ANKRD11: variants seen among roughly 807,000 people sequenced by gnomAD.
ANKRD11 encodes the protein ankyrin repeat domain 11, also known as ankyrin repeat domain-containing protein 11.
Under a neutral mutation model 195.7 loss-of-function variants are expected in ANKRD11, and 17 were observed. That is an observed-to-expected ratio of 0.09 (90% confidence interval 0.06 to 0.13). ANKRD11 has a LOEUF of 0.13. Among genes scored for constraint, ANKRD11 ranks in the 10% least tolerant of loss-of-function variants. The pLI, the probability that ANKRD11 is intolerant of heterozygous loss-of-function variation, is 1.00. For missense variants in ANKRD11, 3,735 were observed against 3,566.1 expected (o/e 1.05, Z -1.21); for synonymous variants, 1,953 against 1,528.1 (o/e 1.28, Z -6.49).
At chr16:89,271,493 G>C (rs2033150919) in intron 11 of ANKRD11, 1 of 167,636 alleles carries the variant, frequency 6.0e-6, no homozygotes, top group African/African-American at 2.4e-5. Flanking sequence ...ACACGGATAA[G>C]ATGTCCAGGC....
rs186706125 is a variant in ANKRD11, at chr16:89,342,829, C to T, written c.-59-25751G>A. ...ATTACAGAATAACCAAACTTTTGTT[C>T]CCTCAGAGTGCCTTTCTGTGATCGT... On this transcript the variant is annotated intron_variant, in intron 2 of 12. Transcript: ENST00000301030. Among the ~76,000 whole-genome samples, 1,439 of 152,276 alleles carry T rather than the reference C, an allele frequency of 9.4e-3. 10 individuals carry two copies. Among genetic ancestry groups the T allele is most frequent in the Middle Eastern group, 0.027 (8 of 294 alleles).
intron 1 of ANKRD11, among the ~76,000 whole-genome samples, chr16:89,426,231 A>G (rs922270125): frequency 1.3e-5 from 2 of 152,236 alleles, no homozygotes; most frequent in Non-Finnish European, 2.9e-5. Flanking sequence ...GCTGTAGATC[A>G]GAAACTGGGA....
At chr16:89,467,307 TG>T (rs1597498765) in intron 1 of ANKRD11, among the ~76,000 whole-genome samples, 2 of 150,196 alleles carry the variant, frequency 1.3e-5, no homozygotes, top group African/African-American at 4.9e-5. Flanking sequence ...CTGGGTATGG[TG>T]GCACGCACCT....
intron 1 of ANKRD11, among the ~76,000 whole-genome samples, chr16:89,441,477 C>T (rs547925844): frequency 1.7e-4 from 26 of 151,424 alleles, no homozygotes; most frequent in Admixed American, 6.6e-4. Flanking sequence ...TTAAAAAATA[C>T]GCAAACCTGG....
intron 1 of ANKRD11, among the ~76,000 whole-genome samples, chr16:89,456,059 T>A (rs1189555439): frequency 6.6e-6 from 1 of 151,630 alleles, no homozygotes; most frequent in African/African-American, 2.4e-5. Flanking sequence ...GCCAACATGC[T>A]GAAATCCTGT....
intron 9 of ANKRD11, among the ~76,000 whole-genome samples, chr16:89,275,781 G>T (rs1197999476): frequency 1.3e-5 from 2 of 152,334 alleles, no homozygotes; most frequent in African/African-American, 2.4e-5. Context: ...TCTCACAGAG[G>T]TGGGTCGGCC....
chr16:89,307,834 C>T (rs1470699405), intron 3 of ANKRD11, among the ~76,000 whole-genome samples: 1 of 152,278 alleles, frequency 6.6e-6, no homozygotes, highest in African/African-American at 2.4e-5. Flanking sequence ...AAGAACACTC[C>T]TGGCCCAGGG....
chr16:89,296,720 T>G (rs951444009), intron 4 of ANKRD11, among the ~76,000 whole-genome samples: 6 of 152,240 alleles, frequency 3.9e-5, no homozygotes, highest in Admixed American at 2.0e-4. Flanking sequence ...AACCAGGCTC[T>G]TCGTCTGTCT....
At chr16:89,286,750 T>A (rs1466839514) in intron 7 of ANKRD11, 1 of 1,286,890 alleles carries the variant, frequency 7.8e-7, no homozygotes, top group East Asian at 5.5e-5. Flanking sequence ...GGTGGTCACA[T>A]GACTGACAGA....
chr16:89,286,299 C>G lies in ANKRD11; in HGVS notation c.745-113G>C, dbSNP rs2151770085. 4 of 1,460,920 alleles carry G rather than the reference C, an allele frequency of 2.7e-6. No individual in the cohort carries two copies. In the East Asian group the frequency reaches 6.8e-5, roughly 25 times the overall value. The allele number at this position is 1,460,920 out of a possible 1,614,324, so 90.5% of individuals were successfully genotyped here. ...ACCCTGGGGTTCGACCCGAGAGCAG[C>G]CCCTCACGGTCTGAGGGTGTGGGAG... On this transcript the variant is annotated intron_variant, in intron 7 of 12. Transcript: ENST00000301030.
intron 6 of ANKRD11, among the ~76,000 whole-genome samples, chr16:89,290,354 C>G (rs1170301174): frequency 1.4e-5 from 1 of 71,604 alleles, no homozygotes; most frequent in Non-Finnish European, 3.2e-5. Flanking sequence ...AGGCTCAGGG[C>G]TCCAATGGGG....
At chr16:89,433,233 G>A (rs992186079) in intron 1 of ANKRD11, among the ~76,000 whole-genome samples, 1 of 152,270 alleles carries the variant, frequency 6.6e-6, no homozygotes, top group Non-Finnish European at 1.5e-5. Flanking sequence ...TTCATGACAA[G>A]GCCCAGTTGA....
At chr16:89,428,518 A>C (rs528210131) in intron 1 of ANKRD11, among the ~76,000 whole-genome samples, 25 of 151,372 alleles carry the variant, frequency 1.7e-4, no homozygotes, top group South Asian at 6.3e-4. Context: ...GAGCGAGACT[A>C]CATCTCAAAA....
intron 2 of ANKRD11, chr16:89,323,419 G>A (rs2037465516): frequency 3.7e-6 from 4 of 1,069,522 alleles, no homozygotes; most frequent in African/African-American, 1.8e-5. Context: ...CAGGGGGGCT[G>A]AGCCGAGGGC....
chr16:89,339,755 T>C (rs1232594418), intron 2 of ANKRD11: 1 of 152,194 alleles, frequency 6.6e-6, no homozygotes, highest in Non-Finnish European at 1.5e-5. Context: ...CATTTAAAAA[T>C]TACAAATTAC....
intron 1 of ANKRD11, among the ~76,000 whole-genome samples, chr16:89,438,000 G>A (rs1034898839): frequency 6.6e-6 from 1 of 152,178 alleles, no homozygotes; most frequent in Non-Finnish European, 1.5e-5. Flanking sequence ...ATATACACAA[G>A]TCCATTGTAT....
chr16:89,341,206 G>T (rs1412294667), intron 2 of ANKRD11, among the ~76,000 whole-genome samples: 1 of 152,218 alleles, frequency 6.6e-6, no homozygotes, highest in East Asian at 1.9e-4. Flanking sequence ...GAGATCCGCG[G>T]AGAAGACTGG....
intron 7 of ANKRD11, chr16:89,286,526 C>T (rs1433804478): frequency 2.5e-5 from 14 of 569,448 alleles, no homozygotes; most frequent in South Asian, 3.9e-5. Context: ...CTCACGAAGG[C>T]TCTCCCCTCC....
Position 89,399,128 on chromosome 16 carries a change from C to T in ANKRD11, c.-60+19156G>A, listed in dbSNP as rs942206237. On this transcript the variant is annotated intron_variant, in intron 2 of 12. Transcript: ENST00000301030. ...GTCACAGCCCAGGTGGCTCCGAACACGGAGCAGGAGCATGATGACACAGCA... is the reference window on the plus strand; with the variant it reads ...GTCACAGCCCAGGTGGCTCCGAACATGGAGCAGGAGCATGATGACACAGCA... 2.6e-5 allele frequency among the ~76,000 whole-genome samples: 4 copies of T among 152,324 alleles called. No individual in the cohort carries two copies. In the East Asian group the frequency reaches 7.7e-4, roughly 29 times the overall value.
Sources: allele counts gnomAD v4.1 joint callset (sites outside exome capture counted in the v4.1 genomes callset), GRCh38; gene constraint gnomAD v4.1.1; transcripts MANE v1.5; gene names NCBI Gene and HGNC (gene_info 2026-07-23, HGNC 2026-07-21).